The following CSMD1 variants were observed in gnomAD, a reference collection of about 807,000 sequenced individuals.
CSMD1 encodes CUB and sushi domain-containing protein 1.
Under a neutral mutation model 417.5 loss-of-function variants are expected in CSMD1, and 213 were observed. The ratio of observed to expected loss-of-function variants is 0.51; its 90% CI spans 0.46 to 0.57. CSMD1 has a LOEUF of 0.57. Ranked by LOEUF, CSMD1 falls within the 20% of genes least tolerant of loss-of-function variation. CSMD1 has a pLI of 0.00. For synonymous variants in CSMD1, 2,862 were observed against 1,736.8 expected, an observed-to-expected ratio of 1.65 and a Z score of -16.11; for missense variants, 6,923 against 4,529.7, an observed-to-expected ratio of 1.53 and a Z score of -15.17.
intron 3 of CSMD1, among the ~76,000 whole-genome samples, chr8:4,215,475 T>G (rs547328496): frequency 3.4e-5 from 5 of 145,934 alleles, no homozygotes; most frequent in Non-Finnish European, 3.0e-5. Context: ...AGAAAAGAAT[T>G]TGGGGGCCGG....
At chr8:4,639,512 G>A (rs1032066547) in intron 1 of CSMD1, among the ~76,000 whole-genome samples, 45 of 152,118 alleles carry the variant, frequency 3.0e-4, no homozygotes, top group Admixed American at 2.5e-3. Context: ...CGCAAAAACT[G>A]TCTATGTTTC....
intron 5 of CSMD1, among the ~76,000 whole-genome samples, chr8:3,792,456 C>T (rs918460928): frequency 2.6e-5 from 4 of 152,132 alleles, no homozygotes; most frequent in East Asian, 1.9e-4. Flanking sequence ...AAGATGAGGA[C>T]GGAGAGCTTA....
intron 2 of CSMD1, among the ~76,000 whole-genome samples, chr8:4,568,340 G>A (rs1053217129): frequency 2.6e-5 from 4 of 152,050 alleles, no homozygotes; most frequent in African/African-American, 9.7e-5. Context: ...TGTTCTCATT[G>A]TTCCATTCCC....
chr8:4,358,940 T>G (rs6558870), intron 3 of CSMD1, among the ~76,000 whole-genome samples: 9,256 of 150,652 alleles, frequency 0.061, 453 homozygotes, highest in African/African-American at 0.14. Context: ...ATTAGTACAT[T>G]CAGTACTACA....
intron 2 of CSMD1, among the ~76,000 whole-genome samples, chr8:4,452,979 G>C (rs1000875143): frequency 2.0e-5 from 3 of 152,290 alleles, no homozygotes; most frequent in Middle Eastern, 6.8e-3. Context: ...TGTTTCTGGA[G>C]TTGCAGAGAC....
intron 11 of CSMD1, among the ~76,000 whole-genome samples, chr8:3,488,023 A>G (rs1818156337): frequency 6.6e-6 from 1 of 150,760 alleles, no homozygotes; most frequent in Non-Finnish European, 1.5e-5. Flanking sequence ...CAATCAAAAT[A>G]TACTTAGAAG....
intron 31 of CSMD1, among the ~76,000 whole-genome samples, chr8:3,204,640 C>A (rs1298907100): frequency 6.6e-6 from 1 of 152,154 alleles, no homozygotes; most frequent in African/African-American, 2.4e-5. Flanking sequence ...ACACAAGTTT[C>A]TTACACATCA....
chr8:3,898,693 T>G (rs1281584411), intron 5 of CSMD1, among the ~76,000 whole-genome samples: 2 of 152,234 alleles, frequency 1.3e-5, no homozygotes, highest in Admixed American at 1.3e-4. Context: ...CATTCAGAGT[T>G]CAGAATGGAC....
At chr8:4,512,007 T>A (rs4392922) in intron 2 of CSMD1, among the ~76,000 whole-genome samples, 90,253 of 151,888 alleles carry the variant, frequency 0.59, 27,341 homozygotes, top group Admixed American at 0.68. Context: ...CTGCAGACCA[T>A]CGTTTCTCAT....
At chr8:3,651,120 T>C (rs1338342100) in intron 7 of CSMD1, among the ~76,000 whole-genome samples, 1 of 152,214 alleles carries the variant, frequency 6.6e-6, no homozygotes, top group Non-Finnish European at 1.5e-5. Context: ...TGTCAGTATC[T>C]TGTCTTGATT....
intron 5 of CSMD1, among the ~76,000 whole-genome samples, chr8:3,819,042 A>C (rs147018978): frequency 6.6e-6 from 1 of 152,290 alleles, no homozygotes. Flanking sequence ...ACGGTAAAAC[A>C]TTTCCTGTTT....
At chr8:4,598,651 C>A (rs1466721221) in intron 2 of CSMD1, among the ~76,000 whole-genome samples, 1 of 152,156 alleles carries the variant, frequency 6.6e-6, no homozygotes, top group South Asian at 2.1e-4. Flanking sequence ...TGCTAGGAAT[C>A]TAGACACCTA....
chr8:4,477,067 G>A (rs1401176015), intron 2 of CSMD1, among the ~76,000 whole-genome samples: 1 of 152,196 alleles, frequency 6.6e-6, no homozygotes, highest in Non-Finnish European at 1.5e-5. Flanking sequence ...TTGCAGCTGT[G>A]TCAGGGAGAG....
chr8:4,497,946 T>C (rs1001540712), intron 2 of CSMD1, among the ~76,000 whole-genome samples: 2 of 152,156 alleles, frequency 1.3e-5, no homozygotes, highest in African/African-American at 4.8e-5. Flanking sequence ...CAACTGCCCG[T>C]GGGGTTTCCT....
intron 1 of CSMD1, among the ~76,000 whole-genome samples, chr8:4,890,883 C>G (rs1036275889): frequency 1.3e-5 from 2 of 152,084 alleles, no homozygotes; most frequent in Non-Finnish European, 2.9e-5. Context: ...TGATTTCAGC[C>G]AAACCCCTAG....
At position 4,140,376 on chromosome 8, in the gene CSMD1, T is replaced by C. The variant is rs964898905; in HGVS notation, c.416-108277A>G. On this transcript the variant is annotated intron_variant, in intron 3 of 69. Coordinates refer to ENST00000635120, the MANE Select transcript of CSMD1 (RefSeq NM_033225.6). ...AGCTGGGAATGGTGGCACATGCCTG[T>C]AATCCCAGCTACTTCGGAGCCTGAA... Among the ~76,000 whole-genome samples, 25 of 151,098 alleles carry C rather than the reference T, an allele frequency of 1.7e-4. 1 individual carries two copies. Among genetic ancestry groups the C allele is most frequent in the African/African-American group, 6.2e-4 (25 of 40,436 alleles).
intron 10 of CSMD1, among the ~76,000 whole-genome samples, chr8:3,554,971 G>A (rs941812762): frequency 2.0e-4 from 31 of 152,004 alleles, no homozygotes; most frequent in African/African-American, 7.5e-4. Flanking sequence ...CAGACACCTG[G>A]GCTCTTGTCA....
chr8:4,839,838 T>C (rs756638659), intron 1 of CSMD1, among the ~76,000 whole-genome samples: 22 of 152,212 alleles, frequency 1.4e-4, no homozygotes, highest in Non-Finnish European at 2.6e-4. Flanking sequence ...GTAAAGTTGA[T>C]GTTTGCATGC....
rs568157976 is a variant in CSMD1, at chr8:3,255,341, G to C, written c.4154-25110C>G. ...AGGGACCCACTTGAGGAGGCAGTCTGTCCATTCTCAGATCTCAAGCTGTGT... is the reference window on the plus strand; with the variant it reads ...AGGGACCCACTTGAGGAGGCAGTCTCTCCATTCTCAGATCTCAAGCTGTGT... On this transcript the variant is annotated intron_variant, in intron 26 of 69. Transcript: ENST00000635120. 2.6e-4 allele frequency among the ~76,000 whole-genome samples: 40 copies of C among 152,292 alleles called. 2 individuals carry two copies. The highest frequency in any genetic ancestry group is 1.0e-3 in the South Asian group (5 of 4,826).
Sources: gnomAD v4.1 joint callset for allele counts (sites outside exome capture counted in the v4.1 genomes callset) on GRCh38, gnomAD v4.1.1 for gene constraint, MANE v1.5 for transcripts, NCBI Gene and HGNC (gene_info 2026-07-23, HGNC 2026-07-21) for gene names.